Variants in ZFPM2 observed in about 807,000 individuals in gnomAD.
The protein encoded by ZFPM2 is zinc finger protein, FOG family member 2.
In ZFPM2, 20 loss-of-function variants were observed where a neutral mutation model predicts 98.6. The ratio of observed to expected loss-of-function variants is 0.20; its 90% CI spans 0.14 to 0.29. ZFPM2 has a LOEUF of 0.29. Among genes scored for constraint, ZFPM2 ranks in the 10% least tolerant of loss-of-function variants. The pLI is 1.00. For synonymous variants in ZFPM2, 518 were observed against 502.7 expected (o/e 1.03, Z -0.41); for missense variants, 1,310 against 1,388.6 (o/e 0.94, Z 0.90).
At chr8:105,725,038 A>G (rs1001044382) in intron 5 of ZFPM2, among the ~76,000 whole-genome samples, 1 of 151,838 alleles carries the variant, frequency 6.6e-6, no homozygotes, top group African/African-American at 2.4e-5. Context: ...CCTTTACAAT[A>G]CAACATCCTT....
intron 1 of ZFPM2, among the ~76,000 whole-genome samples, chr8:105,379,700 C>G (rs2129860245): frequency 6.6e-6 from 1 of 150,980 alleles, no homozygotes; most frequent in South Asian, 2.1e-4. Flanking sequence ...TTGTGGTGAG[C>G]CGAGATCACG....
intron 5 of ZFPM2, among the ~76,000 whole-genome samples, chr8:105,759,580 T>TTGTGTGTGTGTGTG (rs5893760): frequency 1.3e-3 from 190 of 146,972 alleles, no homozygotes; most frequent in African/African-American, 4.3e-3. Flanking sequence ...TTGATAATCC[T>TTGTGTGTGTGTGTG]TGTGTGTGTG....
intron 5 of ZFPM2, among the ~76,000 whole-genome samples, chr8:105,752,124 TA>T (rs939030395): frequency 1.3e-5 from 2 of 152,070 alleles, no homozygotes; most frequent in African/African-American, 2.4e-5. Context: ...ATTTGAATCA[TA>T]AAAAAATGCA....
chr8:105,638,855 A>T (rs1816897832), intron 5 of ZFPM2, among the ~76,000 whole-genome samples: 1 of 152,084 alleles, frequency 6.6e-6, no homozygotes, highest in Non-Finnish European at 1.5e-5. Flanking sequence ...GGTTGCCATC[A>T]TCTTGTTTTA....
intron 5 of ZFPM2, among the ~76,000 whole-genome samples, chr8:105,708,988 G>T (rs1362784581): frequency 6.6e-6 from 1 of 152,120 alleles, no homozygotes; most frequent in Non-Finnish European, 1.5e-5. Flanking sequence ...ATTTAAATTA[G>T]AATTGTTCAT....
intron 1 of ZFPM2, among the ~76,000 whole-genome samples, chr8:105,336,688 C>CCACACACACACA (rs139930523): frequency 4.9e-5 from 7 of 142,256 alleles, no homozygotes; most frequent in African/African-American, 1.3e-4. Flanking sequence ...GTAATATACT[C>CCACACACACACA]CACACACACA....
chr8:105,572,954 C>G (rs1178504508), intron 4 of ZFPM2, among the ~76,000 whole-genome samples: 1 of 152,026 alleles, frequency 6.6e-6, no homozygotes. Flanking sequence ...GTAGGTTGGT[C>G]TGTGGTTTTC....
At chr8:105,548,491 C>T (rs1485868557) in intron 3 of ZFPM2, among the ~76,000 whole-genome samples, 5 of 151,910 alleles carry the variant, frequency 3.3e-5, no homozygotes, top group African/African-American at 4.8e-5. Context: ...CAACAAATTC[C>T]AGCAATTTGT....
chr8:105,521,906 T>G (rs1441504942), intron 3 of ZFPM2, among the ~76,000 whole-genome samples: 9 of 151,974 alleles, frequency 5.9e-5, no homozygotes, highest in Non-Finnish European at 1.2e-4. Flanking sequence ...AGGAAAAAAA[T>G]AAGGAAGAAC....
Position 105,645,968 on chromosome 8 carries a change from G to A in ZFPM2, c.532+11611G>A, listed in dbSNP as rs139453879. On this transcript the variant is annotated intron_variant, in intron 5 of 7. Coordinates refer to ENST00000407775, the MANE Select transcript of ZFPM2 (RefSeq NM_012082.4). ...CTCTGGAGGCTGAGATGGGAGAATC[G>A]CTTGAACCCGGGAGGCAGAGGTTGC... Among the ~76,000 whole-genome samples, 934 of 150,874 alleles carry A rather than the reference G, an allele frequency of 6.2e-3. 3 individuals carry two copies. Among genetic ancestry groups the A allele is most frequent in the Middle Eastern group, 0.014 (4 of 292 alleles).
intron 4 of ZFPM2, among the ~76,000 whole-genome samples, chr8:105,611,743 G>T (rs1344404774): frequency 6.7e-6 from 1 of 149,858 alleles, no homozygotes; most frequent in Admixed American, 6.7e-5. Flanking sequence ...TTGTTGCCCA[G>T]TCTGGAGTGC....
At chr8:105,781,484 G>A (rs1419801839) in intron 5 of ZFPM2, among the ~76,000 whole-genome samples, 1 of 152,146 alleles carries the variant, frequency 6.6e-6, no homozygotes, top group Admixed American at 6.5e-5. Flanking sequence ...ACTTTGGGAG[G>A]CTGAAGCAGG....
chr8:105,717,155 C>T (rs146231494), intron 5 of ZFPM2, among the ~76,000 whole-genome samples: 219 of 152,106 alleles, frequency 1.4e-3, no homozygotes, highest in African/African-American at 3.8e-3. Context: ...ACAAAACTGT[C>T]CTGATAAGAA....
chr8:105,577,177 A>G (rs924624934), intron 4 of ZFPM2, among the ~76,000 whole-genome samples: 15 of 152,306 alleles, frequency 9.8e-5, no homozygotes, highest in African/African-American at 3.1e-4. Context: ...GAACTCTTCT[A>G]AAATGTGGGA....
Position 105,515,558 on chromosome 8 carries a change from C to T in ZFPM2, c.302-45805C>T, listed in dbSNP as rs531451200. On this transcript the variant is annotated intron_variant, in intron 3 of 7. Coordinates refer to ENST00000407775, the MANE Select transcript of ZFPM2 (RefSeq NM_012082.4). ...TAGGCCAAGATCTTTAGTGTCTACC[C>T]TGCATTCTTGTATTATTTAGAAACC... 2.0e-5 allele frequency among the ~76,000 whole-genome samples: 3 copies of T among 152,240 alleles called. No individual in the cohort carries two copies. In the East Asian group the frequency reaches 5.8e-4, roughly 29 times the overall value.
At chr8:105,516,011 G>A (rs182218683) in intron 3 of ZFPM2, among the ~76,000 whole-genome samples, 103 of 144,160 alleles carry the variant, frequency 7.1e-4, no homozygotes, top group Admixed American at 3.9e-3. Flanking sequence ...TCTGCCTTCC[G>A]GGTCTCCGGG....
chr8:105,374,506 C>T (rs1235119076), intron 1 of ZFPM2, among the ~76,000 whole-genome samples: 2 of 151,930 alleles, frequency 1.3e-5, no homozygotes, highest in Non-Finnish European at 2.9e-5. Flanking sequence ...CCCCTTCAGC[C>T]TCACAAGTAG....
intron 5 of ZFPM2, among the ~76,000 whole-genome samples, chr8:105,738,792 A>G (rs1254701591): frequency 3.3e-5 from 5 of 151,672 alleles, no homozygotes; most frequent in African/African-American, 9.7e-5. Context: ...TTTTTTTCAT[A>G]TGAAAAAGCA....
chr8:105,522,247 T>A (rs1213220336), intron 3 of ZFPM2, among the ~76,000 whole-genome samples: 1 of 152,180 alleles, frequency 6.6e-6, no homozygotes, highest in Non-Finnish European at 1.5e-5. Flanking sequence ...CAAAAATATA[T>A]GTTTTGGATG....
Sources: gnomAD v4.1 joint callset for allele counts (sites outside exome capture counted in the v4.1 genomes callset) on GRCh38, gnomAD v4.1.1 for gene constraint, MANE v1.5 for transcripts, NCBI Gene and HGNC (gene_info 2026-07-23, HGNC 2026-07-21) for gene names.